ARFGAP3: variants seen among roughly 807,000 people sequenced by gnomAD.
ARFGAP3 encodes the protein ARF GTPase activating protein 3.
Under a neutral mutation model 75.0 loss-of-function variants are expected in ARFGAP3, and 72 were observed. That is an observed-to-expected ratio of 0.96 (90% CI 0.79 to 1.17). The LOEUF (loss-of-function observed/expected upper bound fraction) is 1.17. ARFGAP3 is among the 50% of genes most tolerant of loss of function. The pLI is 0.00. For synonymous variants in ARFGAP3, 221 were observed against 217.9 expected, an observed-to-expected ratio of 1.01 and a Z score of -0.13; for missense variants, 620 against 626.6, an observed-to-expected ratio of 0.99 and a Z score of 0.11.
intron 2 of ARFGAP3, chr22:42,841,223 G>T: frequency 2.6e-6 from 1 of 389,172 alleles, no homozygotes; most frequent in Non-Finnish European, 3.5e-6. Flanking sequence ...CGTCCTTCCT[G>T]GAATGCAGGG....
At chr22:42,841,619 T>C (rs539282239) in intron 2 of ARFGAP3, among the ~76,000 whole-genome samples, 3 of 152,268 alleles carry the variant, frequency 2.0e-5, no homozygotes, top group Admixed American at 1.3e-4. Flanking sequence ...ACAATGCACA[T>C]TCCCCAAGGG....
chr22:42,850,288 T>C lies in ARFGAP3; in HGVS notation c.70-2656A>G, dbSNP rs542039242. ...GAAAAAAAAATACATATTAGATATA[T>C]AGGCTGGGTGCAGTGGCTCACACCT... is the stretch of plus-strand genomic sequence containing the variant. On this transcript the variant is annotated intron_variant, in intron 1 of 15. Transcript: ENST00000263245. 1.2e-3 allele frequency among the ~76,000 whole-genome samples: 190 copies of C among 152,150 alleles called. 1 individual carries two copies. The highest frequency in any genetic ancestry group is 0.01 in the Middle Eastern group (3 of 294).
At chr22:42,821,171 T>C (rs1402689933) in intron 9 of ARFGAP3, among the ~76,000 whole-genome samples, 6 of 152,228 alleles carry the variant, frequency 3.9e-5, no homozygotes, top group Non-Finnish European at 5.9e-5. Context: ...CCATCATGTA[T>C]TTAGAATTTA....
At chr22:42,839,320 C>T (rs951367106) in intron 3 of ARFGAP3, among the ~76,000 whole-genome samples, 15 of 151,320 alleles carry the variant, frequency 9.9e-5, no homozygotes, top group Non-Finnish European at 2.2e-4. Context: ...GTTTTTTGGT[C>T]GGGTGCTGTG....
intron 2 of ARFGAP3, among the ~76,000 whole-genome samples, chr22:42,844,767 A>C (rs1287110022): frequency 6.6e-6 from 1 of 152,200 alleles, no homozygotes; most frequent in Non-Finnish European, 1.5e-5. Flanking sequence ...AAATAACAAC[A>C]AAAACAATAC....
chr22:42,804,428 C>A (rs931423111), intron 14 of ARFGAP3, among the ~76,000 whole-genome samples: 1 of 131,858 alleles, frequency 7.6e-6, no homozygotes, highest in Non-Finnish European at 1.5e-5. Flanking sequence ...TGTCTCCAGG[C>A]TGGAGTGCAG....
chr22:42,852,430 G>A (rs1927318330), intron 1 of ARFGAP3, among the ~76,000 whole-genome samples: 1 of 151,640 alleles, frequency 6.6e-6, no homozygotes. Context: ...CGTGATCTTG[G>A]TTCACTGCAA....
intron 3 of ARFGAP3, among the ~76,000 whole-genome samples, chr22:42,836,052 G>A (rs188888542): frequency 2.2e-5 from 3 of 139,524 alleles, no homozygotes; most frequent in African/African-American, 5.4e-5. Flanking sequence ...GCTCCATCTC[G>A]GTTCACTGCA....
intron 3 of ARFGAP3, among the ~76,000 whole-genome samples, chr22:42,839,656 A>G (rs1256622210): frequency 6.6e-6 from 1 of 151,996 alleles, no homozygotes; most frequent in African/African-American, 2.4e-5. Context: ...TTAAATATTA[A>G]TTTAAATACA....
chr22:42,815,727 G>C (rs557297983), intron 11 of ARFGAP3, among the ~76,000 whole-genome samples: 2 of 152,010 alleles, frequency 1.3e-5, no homozygotes, highest in African/African-American at 4.8e-5. Context: ...AGTAAGCACC[G>C]CCCATTTCCG....
chr22:42,810,163 A>G (rs1382267785), intron 12 of ARFGAP3, among the ~76,000 whole-genome samples: 1 of 151,682 alleles, frequency 6.6e-6, no homozygotes, highest in Non-Finnish European at 1.5e-5. Flanking sequence ...CCTATTTAGA[A>G]TCAGTAATTT....
intron 1 of ARFGAP3, among the ~76,000 whole-genome samples, chr22:42,855,887 A>G (rs1369297017): frequency 6.6e-6 from 1 of 151,596 alleles, no homozygotes; most frequent in East Asian, 1.9e-4. Flanking sequence ...ATTAATAATA[A>G]CAATTAGCTG....
intron 8 of ARFGAP3, among the ~76,000 whole-genome samples, chr22:42,823,141 G>C (rs1210610811): frequency 6.6e-6 from 1 of 151,324 alleles, no homozygotes; most frequent in Non-Finnish European, 1.5e-5. Context: ...AAATAATTTT[G>C]ATCTGCAATT....
Position 42,799,151 on chromosome 22 carries a change from C to T in ARFGAP3, c.1421G>A (p.Ser474Asn), listed in dbSNP as rs148544839. The change falls in exon 15 of 16, where the codon AGC becomes AAC. Residue 474 changes from serine to asparagine, a missense_variant. Transcript: ENST00000263245. ...GGCGTTGGGCAGCACACTGGACAGG[C>T]TGTAGTTCCCTGCACACACACAGCA... ...EPRKQPAGNY[S>N]LSSVLPNAPD... 222 of 1,613,936 alleles carry T rather than the reference C, an allele frequency of 1.4e-4. No individual in the cohort carries two copies. The highest frequency in any genetic ancestry group is 1.7e-4 in the Non-Finnish European group (203 of 1,180,000).
At chr22:42,839,404 G>A (rs544914543) in intron 3 of ARFGAP3, among the ~76,000 whole-genome samples, 2 of 151,990 alleles carry the variant, frequency 1.3e-5, no homozygotes, top group African/African-American at 4.8e-5. Context: ...TTTGAGACCA[G>A]CTCGGCCAAC....
intron 7 of ARFGAP3, 22 bp from the exon 8 acceptor site, chr22:42,823,724 AAAGT>A (rs780833258): frequency 4.5e-5 from 69 of 1,521,958 alleles, no homozygotes; most frequent in South Asian, 7.5e-5. Context: ...TAAAAATTAA[AAAGT>A]AAGACCAATA....
intron 11 of ARFGAP3, among the ~76,000 whole-genome samples, chr22:42,811,352 T>G (rs1310608036): frequency 6.6e-6 from 1 of 152,240 alleles, no homozygotes; most frequent in Non-Finnish European, 1.5e-5. Context: ...GTTTATAACC[T>G]TAGTATAACT....
chr22:42,809,033 A>C (rs1925250245), intron 12 of ARFGAP3, 143 bp from the exon 13 acceptor site: 2 of 1,015,154 alleles, frequency 2.0e-6, no homozygotes, highest in Non-Finnish European at 2.6e-6. Flanking sequence ...TGAAAATTCT[A>C]ATTAAAAAAA....
chr22:42,799,496 G>C (rs2146520735), intron 14 of ARFGAP3, among the ~76,000 whole-genome samples: 1 of 152,292 alleles, frequency 6.6e-6, no homozygotes, highest in South Asian at 2.1e-4. Flanking sequence ...GCCCTGGCAG[G>C]TAAGTACCCA....
Sources: allele counts gnomAD v4.1 joint callset (sites outside exome capture counted in the v4.1 genomes callset), GRCh38; gene constraint gnomAD v4.1.1; transcripts MANE v1.5; gene names NCBI Gene and HGNC (gene_info 2026-07-23, HGNC 2026-07-21).